Variants in SFMBT1 observed in about 807,000 individuals in gnomAD.
The protein encoded by SFMBT1 is scm-like with four MBT domains protein 1.
In SFMBT1, 32 loss-of-function variants were observed where a neutral mutation model predicts 108.7. The observed-to-expected ratio is 0.29, with a 90% CI of 0.22 to 0.40. The LOEUF is 0.40. Ranked by LOEUF, SFMBT1 falls within the 10% of genes least tolerant of loss-of-function variation. SFMBT1 has a pLI of 1.00. For synonymous variants in SFMBT1, 348 were observed against 369.5 expected, an observed-to-expected ratio of 0.94 and a Z score of 0.67; for missense variants, 816 against 1,059.6, an observed-to-expected ratio of 0.77 and a Z score of 3.19.
At chr3:52,937,084 G>A (rs569351084) in intron 4 of SFMBT1, among the ~76,000 whole-genome samples, 5 of 151,666 alleles carry the variant, frequency 3.3e-5, no homozygotes, top group South Asian at 2.1e-4. Context: ...CTTGTGATCC[G>A]CCTGCCTCAG....
chr3:52,991,050 C>T (rs992303853), intron 1 of SFMBT1, among the ~76,000 whole-genome samples: 1 of 148,814 alleles, frequency 6.7e-6, no homozygotes, highest in Non-Finnish European at 1.5e-5. Flanking sequence ...AGCAACTATA[C>T]CTAGCACTGC....
At chr3:52,991,674 A>C (rs969162288) in intron 1 of SFMBT1, among the ~76,000 whole-genome samples, 11 of 152,004 alleles carry the variant, frequency 7.2e-5, no homozygotes, top group African/African-American at 2.7e-4. Context: ...CTAATATGAG[A>C]GTATTAAGAC....
chr3:53,035,219 TGAC>T (rs2106965424), intron 1 of SFMBT1, among the ~76,000 whole-genome samples: 1 of 143,608 alleles, frequency 7.0e-6, no homozygotes, highest in African/African-American at 2.6e-5. Flanking sequence ...GGATTTTATG[TGAC>T]TAAAATCAAG....
intron 10 of SFMBT1, among the ~76,000 whole-genome samples, chr3:52,923,336 CG>C (rs1553634635): frequency 6.6e-6 from 1 of 152,006 alleles, no homozygotes; most frequent in Non-Finnish European, 1.5e-5. Flanking sequence ...GAGGCTGAGG[CG>C]GGTGGATCGC....
chr3:52,927,989 G>C (rs1702710376), intron 9 of SFMBT1, among the ~76,000 whole-genome samples: 1 of 152,148 alleles, frequency 6.6e-6, no homozygotes, highest in African/African-American at 2.4e-5. Context: ...CTCTTTAACA[G>C]TTTTTTAGCT....
rs556247586 is a variant in SFMBT1 at position 52,983,311 on chromosome 3, G to A, written c.-130-14053C>T. On this transcript the variant is annotated intron_variant, in intron 1 of 20. Transcript: ENST00000394752. ...TTTTCTTTGTAACATTTTTTCTCCA[G>A]CTTACTCTATTGTAAGAAAACAGTA... Among the ~76,000 whole-genome samples, 21 of 152,102 alleles carry A rather than the reference G, an allele frequency of 1.4e-4. No individual in the cohort carries two copies. In the South Asian group the frequency reaches 3.9e-3, roughly 29 times the overall value.
At chr3:52,909,995 C>T (rs1702177901) in intron 17 of SFMBT1, among the ~76,000 whole-genome samples, 1 of 152,086 alleles carries the variant, frequency 6.6e-6, no homozygotes, top group Non-Finnish European at 1.5e-5. Context: ...GCCCTTGATG[C>T]CCCCTCCCCA....
In SFMBT1 at chr3:52,953,446, C is replaced by CAA. The variant is rs34095086; in HGVS notation, c.123+869_123+870dup. The stretch of plus-strand genomic sequence containing the variant: ...GACACTGACCCCCTACCCCCCTCAC[C>CAA]AAAAAAAAAACCTAGGTCTAGATAT... On this transcript the variant is annotated intron_variant, in intron 3 of 20. Transcript: ENST00000394752. Among the ~76,000 whole-genome samples, 776 of 148,232 alleles carry CAA rather than the reference C, an allele frequency of 5.2e-3. 19 individuals are homozygous for CAA. The highest frequency in any genetic ancestry group is 0.039 in the Admixed American group (582 of 14,874).
intron 1 of SFMBT1, among the ~76,000 whole-genome samples, chr3:52,985,868 C>T (rs751598303): frequency 1.8e-4 from 28 of 152,008 alleles, no homozygotes; most frequent in Admixed American, 5.2e-4. Context: ...TGAGGCCAGG[C>T]GAGGTGGCTC....
intron 5 of SFMBT1, among the ~76,000 whole-genome samples, chr3:52,933,819 G>A (rs1702928759): frequency 6.6e-6 from 1 of 151,892 alleles, no homozygotes; most frequent in African/African-American, 2.4e-5. Context: ...CTTGACCTTG[G>A]GTTAAGCAAA....
intron 8 of SFMBT1, among the ~76,000 whole-genome samples, chr3:52,929,050 C>A (rs887179865): frequency 3.3e-5 from 5 of 151,898 alleles, no homozygotes; most frequent in African/African-American, 1.2e-4. Context: ...AGAATGAGTT[C>A]AAACAGAGGT....
chr3:52,937,635 T>C (rs1575386780), intron 4 of SFMBT1, among the ~76,000 whole-genome samples: 2 of 151,934 alleles, frequency 1.3e-5, no homozygotes, highest in South Asian at 4.2e-4. Context: ...CAGGCTGGAG[T>C]GCAGTGGCAC....
chr3:53,027,150 A>C (rs900758204), intron 1 of SFMBT1, among the ~76,000 whole-genome samples: 1 of 152,202 alleles, frequency 6.6e-6, no homozygotes, highest in Non-Finnish European at 1.5e-5. Context: ...TCCTCTATTA[A>C]GACCTGAAAT....
At chr3:52,985,006 T>C (rs1457949902) in intron 1 of SFMBT1, among the ~76,000 whole-genome samples, 1 of 152,190 alleles carries the variant, frequency 6.6e-6, no homozygotes, top group Non-Finnish European at 1.5e-5. Context: ...GCATTTAAAA[T>C]CATTCTTTAT....
At chr3:52,921,938 A>G in intron 10 of SFMBT1, 107 bp from the exon 11 acceptor site, 1 of 1,110,916 alleles carries the variant, frequency 9.0e-7, no homozygotes, top group Non-Finnish European at 1.3e-6. Context: ...AGGTTTAAAG[A>G]TAACATTTAT....
intron 1 of SFMBT1, chr3:53,045,375 C>T (rs1245462191): frequency 7.1e-6 from 1 of 140,314 alleles, no homozygotes; most frequent in Non-Finnish European, 1.6e-5. Flanking sequence ...GAGCGCGGGG[C>T]GCGCGCGGGG....
chr3:53,004,863 T>C (rs559371884), intron 1 of SFMBT1, among the ~76,000 whole-genome samples: 1 of 132,572 alleles, frequency 7.5e-6, no homozygotes, highest in South Asian at 2.3e-4. Context: ...GGAACACAAC[T>C]GTCTCAAGTT....
chr3:52,922,618 T>C (rs1039621721), intron 10 of SFMBT1, among the ~76,000 whole-genome samples: 5 of 152,180 alleles, frequency 3.3e-5, no homozygotes, highest in African/African-American at 1.2e-4. Flanking sequence ...AACTGCCAGG[T>C]ACTAGGCAAC....
Position 52,946,659 on chromosome 3 carries a change from G to C in SFMBT1, c.124-3066C>G, listed in dbSNP as rs114841843. ...AATGATGCCATAAACATTTTTGCTT[G>C]TCCCTTGGTACATACATACATGAAT... On this transcript the variant is annotated intron_variant, in intron 3 of 20. Coordinates refer to ENST00000394752, the MANE Select transcript of SFMBT1 (RefSeq NM_016329.4). Among the ~76,000 whole-genome samples the C allele has an allele frequency of 3.3e-3, 503 of 152,206 alleles. 3 individuals carry two copies. Among genetic ancestry groups the C allele is most frequent in the Non-Finnish European group, 3.8e-3 (260 of 68,022 alleles).
Sources: allele counts gnomAD v4.1 joint callset (sites outside exome capture counted in the v4.1 genomes callset), GRCh38; gene constraint gnomAD v4.1.1; transcripts MANE v1.5; gene names NCBI Gene and HGNC (gene_info 2026-07-23, HGNC 2026-07-21).